Variants in EDA observed in about 807,000 individuals in gnomAD.
EDA encodes ectodysplasin A, also known as ectodysplasin-A.
In EDA, 2 loss-of-function variants were observed where a neutral mutation model predicts 23.6. That is an observed-to-expected ratio of 0.08 (90% CI 0.03 to 0.27). EDA has a LOEUF of 0.27. Among genes scored for constraint, EDA ranks in the 10% least tolerant of loss-of-function variants. The pLI, the probability that EDA is intolerant of heterozygous loss-of-function variation, is 1.00. For synonymous variants in EDA, 131 were observed against 132.0 expected (o/e 0.99, Z 0.05); for missense variants, 229 against 324.2 (o/e 0.71, Z 2.26).
chrX:70,029,151 G>C (rs916609088), intron 4 of EDA, among the ~76,000 whole-genome samples: 1 of 112,969 alleles, frequency 8.9e-6, no homozygotes, highest in Non-Finnish European at 1.9e-5. Flanking sequence ...AAAATTAATA[G>C]AAAGGGAGCA....
chrX:69,778,001 A>G (rs930968868), intron 1 of EDA, among the ~76,000 whole-genome samples: 2 of 111,449 alleles, frequency 1.8e-5, no homozygotes, highest in African/African-American at 6.5e-5. Context: ...TATGACTCCT[A>G]TCATAAGACG....
intron 1 of EDA, among the ~76,000 whole-genome samples, chrX:69,714,760 C>G (rs1242876370): frequency 9.0e-6 from 1 of 111,347 alleles, no homozygotes; most frequent in Non-Finnish European, 1.9e-5. Context: ...CTACCCTCCA[C>G]TAATACCATG....
intron 2 of EDA, among the ~76,000 whole-genome samples, chrX:69,969,168 C>G (rs1476761144): frequency 8.9e-6 from 1 of 112,451 alleles, no homozygotes; most frequent in Non-Finnish European, 1.9e-5. Flanking sequence ...TGGGCCTGGC[C>G]TGCTGCCAGA....
chrX:69,915,534 C>T (rs756492119), intron 1 of EDA, among the ~76,000 whole-genome samples: 4 of 106,588 alleles, frequency 3.8e-5, no homozygotes, highest in South Asian at 4.3e-4. Context: ...ACCCAGGAGG[C>T]GGAGGTTGCA....
chrX:69,995,605 A>T (rs1322295157), intron 2 of EDA, among the ~76,000 whole-genome samples: 1 of 112,185 alleles, frequency 8.9e-6, no homozygotes, highest in Non-Finnish European at 1.9e-5. Context: ...TCAGAAGCAG[A>T]TGTCTCCCAT....
At position 69,970,730 on chromosome X, in the gene EDA, G is replaced by A. The variant is rs947637865; in HGVS notation, c.502+13598G>A. On this transcript the variant is annotated intron_variant, in intron 2 of 7. Coordinates refer to ENST00000374552, the MANE Select transcript of EDA (RefSeq NM_001399.5). The stretch of plus-strand genomic sequence containing the variant: ...GTATCTAGCGTGATAAGACAGGGAA[G>A]TCTCAAAACACTTTACAAAGATTTC... Among the ~76,000 whole-genome samples, 3 of 111,406 alleles carry A rather than the reference G, an allele frequency of 2.7e-5. No homozygotes were observed. The South Asian group carries it at 1.1e-3, about 42-fold the overall frequency.
At chrX:69,981,462 CA>C (rs76761720) in intron 2 of EDA, among the ~76,000 whole-genome samples, 8,551 of 110,875 alleles carry the variant, frequency 0.077, 696 homozygotes, top group East Asian at 0.61. Flanking sequence ...ATTATAATAT[CA>C]AGATGAGATG....
At chrX:69,968,855 T>G (rs997943797) in intron 2 of EDA, among the ~76,000 whole-genome samples, 4 of 112,318 alleles carry the variant, frequency 3.6e-5, no homozygotes, top group African/African-American at 1.3e-4. Context: ...TTAGAGAACA[T>G]AAGTCCTATG....
At chrX:69,877,863 G>A (rs1163243360) in intron 1 of EDA, among the ~76,000 whole-genome samples, 1 of 112,343 alleles carries the variant, frequency 8.9e-6, no homozygotes, top group African/African-American at 3.2e-5. Flanking sequence ...CATGAGCTGA[G>A]GTTCATCTTT....
intron 1 of EDA, among the ~76,000 whole-genome samples, chrX:69,633,970 A>G (rs1031768274): frequency 2.0e-4 from 22 of 112,172 alleles, no homozygotes; most frequent in Admixed American, 1.8e-3. Flanking sequence ...ACCATATTAC[A>G]TTGTCACCAG....
chrX:69,861,863 A>C (rs772376004), intron 1 of EDA, among the ~76,000 whole-genome samples: 115 of 112,124 alleles, frequency 1.0e-3, no homozygotes, highest in Non-Finnish European at 1.7e-3. Context: ...CCATGAGGAC[A>C]AAGAGAACAG....
At chrX:70,034,615 G>A (rs2020240151) in intron 7 of EDA, among the ~76,000 whole-genome samples, 1 of 111,824 alleles carries the variant, frequency 8.9e-6, no homozygotes, top group South Asian at 3.8e-4. Context: ...GCCTAGGAGA[G>A]AATTGAGAGT....
chrX:69,928,028 T>C (rs1291916219), intron 1 of EDA, among the ~76,000 whole-genome samples: 3 of 111,779 alleles, frequency 2.7e-5, no homozygotes, highest in Non-Finnish European at 5.7e-5. Flanking sequence ...TTTATACATG[T>C]TCTCATTTAA....
chrX:69,761,553 C>T (rs2014308610), intron 1 of EDA, among the ~76,000 whole-genome samples: 1 of 111,728 alleles, frequency 9.0e-6, no homozygotes, highest in African/African-American at 3.3e-5. Context: ...TACACTGCCT[C>T]AAGAAGACCA....
chrX:70,035,666 C>G lies in EDA; in HGVS notation c.*57C>G. The G allele has an allele frequency of 8.5e-7, 1 of 1,173,225 alleles. No homozygotes were observed. The highest frequency in any genetic ancestry group is 1.2e-6 in the Non-Finnish European group (1 of 865,691). On this transcript the variant is annotated 3_prime_UTR_variant, in exon 8 of 8. Transcript: ENST00000374552. ...TTCCCTGGGTTTGGGAGCCAGGACT[C>G]CCAGAACCTCTAAGTGCTGCTGTGG...
At chrX:69,829,031 T>G (rs1477779661) in intron 1 of EDA, among the ~76,000 whole-genome samples, 1 of 112,551 alleles carries the variant, frequency 8.9e-6, no homozygotes, top group Non-Finnish European at 1.9e-5. Flanking sequence ...TGCCCCTTCA[T>G]CATCATCCCC....
At chrX:70,014,048 C>T (rs2019912574) in intron 2 of EDA, among the ~76,000 whole-genome samples, 1 of 112,259 alleles carries the variant, frequency 8.9e-6, no homozygotes, top group East Asian at 2.8e-4. Context: ...TCTGCCATTG[C>T]CACTGCCAAG....
chrX:69,639,426 C>T (rs1056697757), intron 1 of EDA, among the ~76,000 whole-genome samples: 1 of 111,780 alleles, frequency 8.9e-6, no homozygotes, highest in Non-Finnish European at 1.9e-5. Flanking sequence ...TCCTTATCAA[C>T]ACTTGTTATT....
rs1305408832 is a variant in EDA at position 69,716,675 on chromosome X, T to C, written c.396+99971T>C. Reference sequence around the variant, plus strand: ...ATTGCTTTGGGCAGTATGGCCATTTTAATGATATTGATTCTTCTTATCCAT... The same window carrying C: ...ATTGCTTTGGGCAGTATGGCCATTTCAATGATATTGATTCTTCTTATCCAT... On this transcript the variant is annotated intron_variant, in intron 1 of 7. Coordinates refer to ENST00000374552, the MANE Select transcript of EDA (RefSeq NM_001399.5). Among the ~76,000 whole-genome samples, 11 of 111,965 alleles carry C rather than the reference T, an allele frequency of 9.8e-5. No individual in the cohort carries two copies. In the East Asian group the frequency reaches 3.1e-3, roughly 32 times the overall value.
Sources: allele counts gnomAD v4.1 joint callset (sites outside exome capture counted in the v4.1 genomes callset), GRCh38; gene constraint gnomAD v4.1.1; transcripts MANE v1.5; gene names NCBI Gene and HGNC (gene_info 2026-07-23, HGNC 2026-07-21).